Variants in MDGA2 observed in about 807,000 individuals in gnomAD.
MDGA2 encodes MAM domain-containing glycosylphosphatidylinositol anchor protein 2.
A neutral mutation model predicts 117.8 loss-of-function variants in MDGA2; 40 were observed. The ratio of observed to expected loss-of-function variants is 0.34; its 90% CI spans 0.26 to 0.44. The LOEUF is 0.44. Ranked by LOEUF, MDGA2 falls within the 20% of genes least tolerant of loss-of-function variation. The probability of loss-of-function intolerance (pLI) is 1.00; values close to 1 mark genes in which losing one functional copy is unlikely to be tolerated. For synonymous variants in MDGA2, 452 were observed against 439.0 expected (o/e 1.03, Z -0.37); for missense variants, 1,123 against 1,250.6 (o/e 0.90, Z 1.54).
At chr14:46,942,783 AGTT>A (rs917757619) in intron 9 of MDGA2, among the ~76,000 whole-genome samples, 5 of 152,108 alleles carry the variant, frequency 3.3e-5, no homozygotes, top group African/African-American at 1.2e-4. Flanking sequence ...ATAGATCACA[AGTT>A]GTTCATCTGT....
intron 6 of MDGA2, among the ~76,000 whole-genome samples, chr14:47,068,548 T>C (rs1269756896): frequency 6.6e-6 from 1 of 151,956 alleles, no homozygotes; most frequent in Non-Finnish European, 1.5e-5. Context: ...GTTATTTGAA[T>C]AGAAGATTAT....
chr14:47,412,587 T>C (rs1267357809), intron 1 of MDGA2, among the ~76,000 whole-genome samples: 2 of 152,216 alleles, frequency 1.3e-5, no homozygotes, highest in Non-Finnish European at 2.9e-5. Context: ...CTGCTGAAAA[T>C]ATTTCAAGTT....
intron 4 of MDGA2, among the ~76,000 whole-genome samples, chr14:47,135,789 G>T (rs771431134): frequency 1.3e-5 from 2 of 152,018 alleles, no homozygotes; most frequent in Admixed American, 6.6e-5. Context: ...AATTAGTTAT[G>T]TCACTATCTT....
chr14:47,587,803 T>C (rs190039479), intron 1 of MDGA2, among the ~76,000 whole-genome samples: 45 of 152,074 alleles, frequency 3.0e-4, no homozygotes, highest in African/African-American at 1.1e-3. Flanking sequence ...TCTGCATCCA[T>C]TGCCACAATC....
At position 46,960,089 on chromosome 14, in the gene MDGA2, C is replaced by T. The variant is rs191952828; in HGVS notation, c.1820-2446G>A. Among the ~76,000 whole-genome samples, 32 of 151,970 alleles carry T rather than the reference C, an allele frequency of 2.1e-4. No homozygotes were observed. In the South Asian group the frequency reaches 5.6e-3, roughly 27 times the overall value. Reference sequence around the variant, plus strand: ...ATACAAAAATTAGCCGGGCATGTGGCGTGTGGCTGTAGCCCCAGCTACTTG... The same window carrying T: ...ATACAAAAATTAGCCGGGCATGTGGTGTGTGGCTGTAGCCCCAGCTACTTG... On this transcript the variant is annotated intron_variant, in intron 8 of 16. Transcript: ENST00000399232.
intron 1 of MDGA2, among the ~76,000 whole-genome samples, chr14:47,429,255 T>G (rs1252171650): frequency 2.0e-5 from 3 of 149,938 alleles, no homozygotes; most frequent in African/African-American, 7.4e-5. Flanking sequence ...CCTAAGAAAT[T>G]TATATAATTA....
chr14:47,445,746 G>A (rs1263714387), intron 1 of MDGA2, among the ~76,000 whole-genome samples: 1 of 152,100 alleles, frequency 6.6e-6, no homozygotes, highest in Non-Finnish European at 1.5e-5. Context: ...TGAGGGATAA[G>A]CAGAAGGGGA....
At chr14:47,428,835 T>C (rs112318358) in intron 1 of MDGA2, among the ~76,000 whole-genome samples, 102 of 152,054 alleles carry the variant, frequency 6.7e-4, no homozygotes, top group African/African-American at 2.3e-3. Context: ...CACACACACA[T>C]ACAAAATTCT....
intron 3 of MDGA2, among the ~76,000 whole-genome samples, chr14:47,160,195 T>C (rs1294495900): frequency 6.6e-6 from 1 of 152,200 alleles, no homozygotes; most frequent in African/African-American, 2.4e-5. Context: ...GCTTACCTAC[T>C]CTGTTATAAG....
intron 8 of MDGA2, among the ~76,000 whole-genome samples, chr14:46,971,021 T>C (rs1886240807): frequency 6.6e-6 from 1 of 151,892 alleles, no homozygotes; most frequent in East Asian, 1.9e-4. Flanking sequence ...AGAATGGCTA[T>C]TACTAAAAAG....
intron 5 of MDGA2, among the ~76,000 whole-genome samples, chr14:47,122,597 TG>T (rs1881709788): frequency 6.6e-6 from 1 of 152,110 alleles, no homozygotes; most frequent in African/African-American, 2.4e-5. Context: ...GTATCTCCTT[TG>T]TTAGAGCCAG....
At position 47,059,268 on chromosome 14, in the gene MDGA2, G is replaced by A. The variant is rs1215533492; in HGVS notation, c.1525+1981C>T. Reference sequence around the variant, plus strand: ...TGATGCAGACAAAGTCTCAGACTTTGTAGAGCTTCCATTCTATGGAGAAAC... The same window carrying A: ...TGATGCAGACAAAGTCTCAGACTTTATAGAGCTTCCATTCTATGGAGAAAC... On this transcript the variant is annotated intron_variant, in intron 7 of 16. Transcript: ENST00000399232. The A allele has an allele frequency of 8.3e-6, 10 of 1,201,622 alleles. No homozygotes were observed. In the Admixed American group the frequency reaches 1.4e-4, roughly 17 times the overall value. 74.4% of individuals were successfully genotyped at this position (1,201,622 alleles called of 1,614,324 possible). A position where few individuals can be genotyped will look rare whatever the true frequency, so the allele number is the denominator to read the frequency against.
chr14:47,168,222 G>A (rs112001578), intron 3 of MDGA2, among the ~76,000 whole-genome samples: 3,413 of 135,032 alleles, frequency 0.025, 141 homozygotes, highest in African/African-American at 0.088. Context: ...GAGCCTAAAA[G>A]CAACCACTTG....
chr14:47,409,036 T>C (rs897645361), intron 1 of MDGA2, among the ~76,000 whole-genome samples: 2 of 152,054 alleles, frequency 1.3e-5, no homozygotes, highest in African/African-American at 4.8e-5. Flanking sequence ...CTGGAGTGGA[T>C]TGGTGGAAGA....
At position 47,274,388 on chromosome 14, in the gene MDGA2, C is replaced by T. The variant is rs541391490; in HGVS notation, c.420+27023G>A. Reference sequence around the variant, plus strand: ...TAGGATAATGTTTCCAAGGTTCTTCCTTTTTGCGCATGTATTATTAGTTAA... The same window carrying T: ...TAGGATAATGTTTCCAAGGTTCTTCTTTTTTGCGCATGTATTATTAGTTAA... On this transcript the variant is annotated intron_variant, in intron 2 of 16. Coordinates refer to ENST00000399232, the MANE Select transcript of MDGA2 (RefSeq NM_001113498.3). Among the ~76,000 whole-genome samples the T allele has an allele frequency of 9.3e-4, 142 of 151,950 alleles. 1 individual carries two copies. Among genetic ancestry groups the T allele is most frequent in the African/African-American group, 3.1e-3 (130 of 41,450 alleles).
chr14:47,249,181 C>T (rs1320342262), intron 2 of MDGA2, among the ~76,000 whole-genome samples: 1 of 151,414 alleles, frequency 6.6e-6, no homozygotes, highest in African/African-American at 2.4e-5. Context: ...CCATGCCCAG[C>T]TAATTTTTGT....
intron 3 of MDGA2, among the ~76,000 whole-genome samples, chr14:47,174,688 A>G (rs1167647491): frequency 6.6e-6 from 1 of 152,208 alleles, no homozygotes; most frequent in Admixed American, 6.5e-5. Flanking sequence ...CGCCCACAAG[A>G]GAAAGCAGGA....
At chr14:47,261,096 A>G (rs1349304519) in intron 2 of MDGA2, among the ~76,000 whole-genome samples, 1 of 152,080 alleles carries the variant, frequency 6.6e-6, no homozygotes, top group Non-Finnish European at 1.5e-5. Flanking sequence ...TAGGCTTAAG[A>G]GGGTTCAGAG....
At chr14:46,860,835 T>C (rs1438512266) in intron 14 of MDGA2, among the ~76,000 whole-genome samples, 3 of 151,994 alleles carry the variant, frequency 2.0e-5, no homozygotes, top group East Asian at 1.9e-4. Context: ...TCTTATATGC[T>C]TTGTTAAATA....
Sources: allele counts gnomAD v4.1 joint callset (sites outside exome capture counted in the v4.1 genomes callset), GRCh38; gene constraint gnomAD v4.1.1; transcripts MANE v1.5; gene names NCBI Gene and HGNC (gene_info 2026-07-23, HGNC 2026-07-21).